The following WDR33 variants were observed in gnomAD, a reference collection of about 807,000 sequenced individuals.
WDR33 encodes the protein pre-mRNA 3' end processing protein WDR33.
WDR33 carries 47 observed loss-of-function variants against 164.9 expected under a neutral mutation model. The ratio of observed to expected loss-of-function variants is 0.29; its 90% confidence interval spans 0.23 to 0.36. The LOEUF (loss-of-function observed/expected upper bound fraction) is 0.36, where lower values mean the gene tolerates loss of function less well. Ranked by LOEUF, WDR33 falls within the 10% of genes least tolerant of loss-of-function variation. The pLI is 1.00. For synonymous variants in WDR33, 505 were observed against 589.0 expected, an observed-to-expected ratio of 0.86 and a Z score of 2.06; for missense variants, 1,137 against 1,754.1, an observed-to-expected ratio of 0.65 and a Z score of 6.28.
chr2:127,716,793 C>A lies in WDR33; in HGVS notation c.2869+362G>T, dbSNP rs779215362. On this transcript the variant is annotated intron_variant, in intron 17 of 21. Transcript: ENST00000322313. The surrounding 1 kb of genome is among the most constrained non-coding windows in gnomAD (Gnocchi z 4.5). The stretch of plus-strand genomic sequence containing the variant: ...AGACAAGGATGTGATGACAAAAACA[C>A]TGTCACACAATTCAAGCACAAACAG... 6.6e-6 allele frequency among the ~76,000 whole-genome samples: 1 copy of A among 152,230 alleles called. No individual in the cohort carries two copies. The highest frequency in any genetic ancestry group is 1.5e-5 in the Non-Finnish European group (1 of 68,040).
rs1259032343 is a variant in WDR33 at position 127,775,206 on chromosome 2, TGAGACGGAGTCTC to T, written c.-23-4215_-23-4203del. ...TCTATTAAAAAAAAAAATTTTTTTT[TGAGACGGAGTCTC>T]ACTGTATTGCCCAGGCAGGAGTGCA... On this transcript the variant is annotated intron_variant, in intron 1 of 21. Coordinates refer to ENST00000322313, the MANE Select transcript of WDR33 (RefSeq NM_018383.5). 2.3e-4 allele frequency among the ~76,000 whole-genome samples: 35 copies of T among 152,332 alleles called. 1 individual carries two copies. In the East Asian group the frequency reaches 6.7e-3, roughly 29 times the overall value.
intron 1 of WDR33, among the ~76,000 whole-genome samples, chr2:127,786,154 C>T (rs10190747): frequency 0.021 from 3,239 of 152,304 alleles, 124 homozygotes; most frequent in African/African-American, 0.075. Context: ...TCACCTCAGC[C>T]TCCTGAGTAG....
chr2:127,709,858 T>C lies in WDR33; in HGVS notation c.3309-2A>G. The C allele has an allele frequency of 6.2e-7, 1 of 1,613,310 alleles. No homozygotes were observed. The highest frequency in any genetic ancestry group is 8.5e-7 in the Non-Finnish European group (1 of 1,179,772). ...CTCGGCGGGGCTCCTCTTCTGAAACTGTAAAGAGAAAACAGCAGAATGTCC... is the reference window on the plus strand; with the variant it reads ...CTCGGCGGGGCTCCTCTTCTGAAACCGTAAAGAGAAAACAGCAGAATGTCC... On this transcript the variant is annotated splice_acceptor_variant, in intron 18 of 21. Coordinates refer to ENST00000322313, the MANE Select transcript of WDR33 (RefSeq NM_018383.5). LOFTEE classifies it high-confidence loss of function. This position sits in a 1 kb window ranked among gnomAD's most constrained non-coding sequence, Gnocchi z 5.0.
At chr2:127,800,027 T>C (rs1174406594) in intron 1 of WDR33, among the ~76,000 whole-genome samples, 1 of 152,222 alleles carries the variant, frequency 6.6e-6, no homozygotes. Context: ...GAAGTCCATC[T>C]GGATTACAAA....
rs1686302682 is a variant in WDR33, at chr2:127,716,433, A to G, written c.2869+722T>C. 6.6e-6 allele frequency among the ~76,000 whole-genome samples: 1 copy of G among 152,088 alleles called. No homozygotes were observed. Among genetic ancestry groups the G allele is most frequent in the Admixed American group, 6.5e-5 (1 of 15,274 alleles). ...TATGAAAGTGTGTGTCGAACATAAC[A>G]CAGTGTTTCCTCTCACTCCCCTCCA... On this transcript the variant is annotated intron_variant, in intron 17 of 21. Transcript: ENST00000322313. The surrounding 1 kb of genome is among the most constrained non-coding windows in gnomAD (Gnocchi z 4.5).
chr2:127,720,082 C>G lies in WDR33; in HGVS notation c.1943G>C (p.Gly648Ala). ...QGPPLHQGGG[G>A]PQGFMGPQGP... ...CTGTGGTCCCATGAATCCTTGTGGC[C>G]CCCCACCTCCCTGATGCAGTGGAGG... is the stretch of plus-strand genomic sequence containing the variant. Residue 648 changes from glycine (G) to alanine (A), a missense_variant, in exon 16 of 22, where the codon GGG becomes GCG. This residue lies in a region of WDR33 where 867 missense variants were observed against 1,073.0 expected (regional missense o/e 0.81). Coordinates refer to ENST00000322313, the MANE Select transcript of WDR33 (RefSeq NM_018383.5). This position sits in a 1 kb window ranked among gnomAD's most constrained non-coding sequence, Gnocchi z 5.9. 6.2e-7 allele frequency: 1 copy of G among 1,614,134 alleles called. No individual in the cohort carries two copies. The highest frequency in any genetic ancestry group is 8.5e-7 in the Non-Finnish European group (1 of 1,180,026).
intron 7 of WDR33, among the ~76,000 whole-genome samples, chr2:127,754,034 C>G (rs563398401): frequency 6.6e-6 from 1 of 152,256 alleles, no homozygotes; most frequent in African/African-American, 2.4e-5. Context: ...ATCCATTATA[C>G]TGTACATTTA....
intron 1 of WDR33, among the ~76,000 whole-genome samples, chr2:127,787,108 C>T (rs1027487369): frequency 2.7e-4 from 25 of 93,378 alleles, no homozygotes; most frequent in Admixed American, 8.1e-4. Context: ...GCACATCTTG[C>T]ACCGCCCTTA....
intron 7 of WDR33, among the ~76,000 whole-genome samples, chr2:127,731,294 C>CAA (rs35161101): frequency 0.026 from 1,743 of 67,734 alleles, 40 homozygotes; most frequent in African/African-American, 0.056. Flanking sequence ...GACCCTGCCT[C>CAA]AAAAAAAAAA....
chr2:127,740,389 A>G (rs1573904143), intron 7 of WDR33, among the ~76,000 whole-genome samples: 1 of 151,638 alleles, frequency 6.6e-6, no homozygotes, highest in East Asian at 1.9e-4. Context: ...GTATTTCTCT[A>G]CACACACGCA....
intron 4 of WDR33, 31 bp from the exon 5 acceptor site, chr2:127,765,300 C>A: frequency 6.6e-7 from 1 of 1,513,836 alleles, no homozygotes; most frequent in Non-Finnish European, 9.0e-7. Context: ...GGTTATACAT[C>A]CTCCAACTTC....
In WDR33 at chr2:127,716,654, C is replaced by G. The variant is rs1686309768; in HGVS notation, c.2869+501G>C. 6.6e-6 allele frequency among the ~76,000 whole-genome samples: 1 copy of G among 152,224 alleles called. No homozygotes were observed. The highest frequency in any genetic ancestry group is 2.4e-5 in the African/African-American group (1 of 41,452). On this transcript the variant is annotated intron_variant, in intron 17 of 21. Transcript: ENST00000322313. The surrounding 1 kb of genome is among the most constrained non-coding windows in gnomAD (Gnocchi z 4.5). Reference sequence around the variant, plus strand: ...AAATACTAATCATTCTCATCTCTTTCCTTTTCATATCAACAACCTGAGGAG... The same window carrying G: ...AAATACTAATCATTCTCATCTCTTTGCTTTTCATATCAACAACCTGAGGAG...
At chr2:127,788,022 GAC>G (rs1688661544) in intron 1 of WDR33, among the ~76,000 whole-genome samples, 1 of 70,892 alleles carries the variant, frequency 1.4e-5, no homozygotes, top group African/African-American at 8.1e-5. Context: ...CGGGGGGGCT[GAC>G]ACCCCCCACC....
intron 3 of WDR33, 33 bp from the exon 4 acceptor site, chr2:127,768,326 C>G (rs768189981): frequency 1.5e-6 from 2 of 1,352,646 alleles, no homozygotes; most frequent in South Asian, 2.9e-5. Context: ...TCTTAGAGCT[C>G]CTGATTACAT....
rs890826066 is a variant in WDR33 at position 127,712,040 on chromosome 2, G to A, written c.3308+1543C>T. On this transcript the variant is annotated intron_variant, in intron 18 of 21. Coordinates refer to ENST00000322313, the MANE Select transcript of WDR33 (RefSeq NM_018383.5). The surrounding 1 kb of genome is among the most constrained non-coding windows in gnomAD (Gnocchi z 4.0). ...ACCCACCTCGGCCTCCCAAAGTGCT[G>A]GGATTACAAGCGTGAGCCACTGTGC... 6.6e-6 allele frequency among the ~76,000 whole-genome samples: 1 copy of A among 151,472 alleles called. No individual in the cohort carries two copies. The highest frequency in any genetic ancestry group is 1.5e-5 in the Non-Finnish European group (1 of 67,892).
chr2:127,746,873 T>C (rs1194999526), intron 7 of WDR33, among the ~76,000 whole-genome samples: 1 of 152,236 alleles, frequency 6.6e-6, no homozygotes, highest in African/African-American at 2.4e-5. Flanking sequence ...ACCCTTCTTT[T>C]TATAGAAAAA....
intron 1 of WDR33, among the ~76,000 whole-genome samples, chr2:127,773,331 C>A (rs1688072118): frequency 6.6e-6 from 1 of 152,066 alleles, no homozygotes; most frequent in South Asian, 2.1e-4. Flanking sequence ...TTATGATTTC[C>A]TTTTGATGAA....
At position 127,714,517 on chromosome 2, in the gene WDR33, C is replaced by T. The variant is rs1686253483; in HGVS notation, c.2870-496G>A. Among the ~76,000 whole-genome samples the T allele has an allele frequency of 6.6e-6, 1 of 152,232 alleles. No homozygotes were observed. The highest frequency in any genetic ancestry group is 1.5e-5 in the Non-Finnish European group (1 of 68,042). On this transcript the variant is annotated intron_variant, in intron 17 of 21. Transcript: ENST00000322313. The surrounding 1 kb of genome is among the most constrained non-coding windows in gnomAD (Gnocchi z 4.3). Reference sequence around the variant, plus strand: ...CCTCCTCTAACCCCAGCTTGTTGCACTTGATTCCTCTGTAAGGTACATGCA... The same window carrying T: ...CCTCCTCTAACCCCAGCTTGTTGCATTTGATTCCTCTGTAAGGTACATGCA...
chr2:127,770,753 T>C lies in WDR33; in HGVS notation c.204+25A>G. ...TAAATAAATAACCAAAGTTTGGTCATCTGAAGCACATAAATCAGGCTTACC... is the reference window on the plus strand; with the variant it reads ...TAAATAAATAACCAAAGTTTGGTCACCTGAAGCACATAAATCAGGCTTACC... On this transcript the variant is annotated intron_variant, in intron 2 of 21. Transcript: ENST00000322313. This position sits in a 1 kb window ranked among gnomAD's most constrained non-coding sequence, Gnocchi z 4.9. 6.6e-7 allele frequency: 1 copy of C among 1,507,048 alleles called. No homozygotes were observed. Among genetic ancestry groups the C allele is most frequent in the Non-Finnish European group, 9.0e-7 (1 of 1,109,960 alleles). 93.4% of individuals were successfully genotyped at this position (1,507,048 alleles called of 1,614,324 possible).
Sources: gnomAD v4.1 joint callset for allele counts (sites outside exome capture counted in the v4.1 genomes callset) on GRCh38, gnomAD v4.1.1 for gene constraint, gnomAD v4.1.1 regional missense constraint, Gnocchi (gnomAD v3.1) non-coding constraint, MANE v1.5 for transcripts, NCBI Gene and HGNC (gene_info 2026-07-23, HGNC 2026-07-21) for gene names.